Variants in UNC5C observed in about 807,000 individuals in gnomAD.
The protein encoded by UNC5C is unc-5 netrin receptor C.
UNC5C carries 47 observed loss-of-function variants against 99.8 expected under a neutral mutation model. That is an observed-to-expected ratio of 0.47 (90% CI 0.37 to 0.60). UNC5C has a LOEUF of 0.60. Ranked by LOEUF, UNC5C falls within the 20% of genes least tolerant of loss-of-function variation. The pLI is 0.00. For synonymous variants in UNC5C, 487 were observed against 452.2 expected, an observed-to-expected ratio of 1.08 and a Z score of -0.98; for missense variants, 1,062 against 1,165.9, an observed-to-expected ratio of 0.91 and a Z score of 1.30.
chr4:95,528,996 C>T (rs1200275479), intron 1 of UNC5C, among the ~76,000 whole-genome samples: 6 of 151,864 alleles, frequency 4.0e-5, no homozygotes, highest in African/African-American at 1.5e-4. Flanking sequence ...GCACATTTAT[C>T]TCTCCTTTAA....
chr4:95,490,551 G>A (rs960741349), intron 1 of UNC5C, among the ~76,000 whole-genome samples: 1 of 151,612 alleles, frequency 6.6e-6, no homozygotes, highest in Non-Finnish European at 1.5e-5. Flanking sequence ...GCATTTTAGT[G>A]AGTTACCTTA....
chr4:95,488,265 C>T (rs1721382179), intron 1 of UNC5C, among the ~76,000 whole-genome samples: 1 of 151,534 alleles, frequency 6.6e-6, no homozygotes, highest in Admixed American at 6.6e-5. Flanking sequence ...GCTATGTACA[C>T]AATATACTGA....
At chr4:95,316,459 GAGCTGACCGC>G (rs1175887924) in intron 2 of UNC5C, among the ~76,000 whole-genome samples, 2 of 152,142 alleles carry the variant, frequency 1.3e-5, no homozygotes, top group East Asian at 3.9e-4. Flanking sequence ...AGGCGCTTCG[GAGCTGACCGC>G]AGGCACACTT....
chr4:95,172,879 ATGT>A (rs2149344747), intron 14 of UNC5C, among the ~76,000 whole-genome samples: 2 of 152,258 alleles, frequency 1.3e-5, no homozygotes, highest in South Asian at 4.1e-4. Context: ...TGAGCATGGA[ATGT>A]TGTTCCATTT....
chr4:95,511,570 T>C (rs73842315), intron 1 of UNC5C, among the ~76,000 whole-genome samples: 1 of 152,258 alleles, frequency 6.6e-6, no homozygotes, highest in African/African-American at 2.4e-5. Context: ...CCACATCTCT[T>C]CACTTAGTAG....
chr4:95,463,387 A>G (rs1291031498), intron 1 of UNC5C, among the ~76,000 whole-genome samples: 1 of 152,150 alleles, frequency 6.6e-6, no homozygotes, highest in Non-Finnish European at 1.5e-5. Flanking sequence ...TTAAAGGGTA[A>G]GAAGCCCAAC....
intron 1 of UNC5C, among the ~76,000 whole-genome samples, chr4:95,346,184 G>C (rs1181056923): frequency 6.6e-6 from 1 of 151,872 alleles, no homozygotes; most frequent in Admixed American, 6.6e-5. Context: ...AAATGGAGAA[G>C]AAATGGATAA....
intron 1 of UNC5C, among the ~76,000 whole-genome samples, chr4:95,520,464 T>A (rs1449457983): frequency 6.6e-6 from 1 of 152,168 alleles, no homozygotes; most frequent in East Asian, 1.9e-4. Flanking sequence ...AACTCTGATA[T>A]AAATACTTTC....
intron 4 of UNC5C, among the ~76,000 whole-genome samples, chr4:95,260,973 C>T (rs1025130523): frequency 6.6e-6 from 1 of 152,122 alleles, no homozygotes; most frequent in African/African-American, 2.4e-5. Flanking sequence ...AAGAATGATG[C>T]TCACAGAGAA....
intron 3 of UNC5C, among the ~76,000 whole-genome samples, chr4:95,282,385 AG>A (rs1741091416): frequency 6.6e-6 from 1 of 152,180 alleles, no homozygotes; most frequent in Admixed American, 6.5e-5. Flanking sequence ...AGGAGTGGCC[AG>A]GAAGTGGGGA....
chr4:95,358,511 A>G (rs1046606980), intron 1 of UNC5C, among the ~76,000 whole-genome samples: 9 of 152,124 alleles, frequency 5.9e-5, no homozygotes, highest in Admixed American at 4.6e-4. Flanking sequence ...AATATTTCAC[A>G]TTTTTACCTC....
At chr4:95,499,591 T>TAC (rs1325414632) in intron 1 of UNC5C, among the ~76,000 whole-genome samples, 2 of 152,054 alleles carry the variant, frequency 1.3e-5, no homozygotes, top group African/African-American at 4.8e-5. Flanking sequence ...TGGATTTACT[T>TAC]ACCTACTGAC....
intron 1 of UNC5C, among the ~76,000 whole-genome samples, chr4:95,468,617 A>G (rs947064753): frequency 5.3e-5 from 8 of 152,298 alleles, no homozygotes; most frequent in African/African-American, 1.9e-4. Context: ...CAATGATGGC[A>G]TATTCAATGG....
intron 10 of UNC5C, among the ~76,000 whole-genome samples, chr4:95,211,769 T>A (rs1344241060): frequency 6.6e-6 from 1 of 152,032 alleles, no homozygotes; most frequent in Non-Finnish European, 1.5e-5. Context: ...TTACCTTTTT[T>A]ATCCACTTAT....
Position 95,202,785 on chromosome 4 carries a change from C to T in UNC5C, c.2082G>A (p.Ser694=), listed in dbSNP as rs528083828. 1.6e-5 allele frequency: 26 copies of T among 1,614,212 alleles called. No homozygotes were observed. The highest frequency in any genetic ancestry group is 2.7e-5 in the African/African-American group (2 of 75,054). ...LAIFGPLCCS[S]LEYSIRVYCL... ...AGTAGACTCGGATGCTGTACTCCAGCGAGGAGCAGCACAGGGGCCCAAAGA... is the reference window on the plus strand; with the variant it reads ...AGTAGACTCGGATGCTGTACTCCAGTGAGGAGCAGCACAGGGGCCCAAAGA... The change falls in exon 12 of 16, where the codon TCG becomes TCA. Residue 694 remains serine (S), a synonymous_variant. Transcript: ENST00000453304.
intron 4 of UNC5C, among the ~76,000 whole-genome samples, chr4:95,271,655 T>G (rs891348977): frequency 7.2e-5 from 11 of 152,224 alleles, no homozygotes; most frequent in Non-Finnish European, 1.3e-4. Context: ...TAGATTTTCA[T>G]CATTAAATAA....
chr4:95,332,811 C>G (rs1426582194), intron 2 of UNC5C, among the ~76,000 whole-genome samples: 1 of 151,740 alleles, frequency 6.6e-6, no homozygotes, highest in Non-Finnish European at 1.5e-5. Flanking sequence ...AAAATTTTCA[C>G]AACCTACTCA....
intron 3 of UNC5C, among the ~76,000 whole-genome samples, chr4:95,279,427 C>A (rs995236544): frequency 6.6e-6 from 1 of 152,168 alleles, no homozygotes; most frequent in Non-Finnish European, 1.5e-5. Context: ...ATTTTAAACA[C>A]ATCAGAGGCA....
intron 2 of UNC5C, among the ~76,000 whole-genome samples, chr4:95,318,281 G>C (rs2149411701): frequency 6.6e-6 from 1 of 152,256 alleles, no homozygotes; most frequent in South Asian, 2.1e-4. Context: ...TGAGATCGCA[G>C]TGATGGAGCT....
Sources: gnomAD v4.1 joint callset for allele counts (sites outside exome capture counted in the v4.1 genomes callset) on GRCh38, gnomAD v4.1.1 for gene constraint, MANE v1.5 for transcripts, NCBI Gene and HGNC (gene_info 2026-07-23, HGNC 2026-07-21) for gene names.